NRAS: variants seen among roughly 807,000 people sequenced by gnomAD.
The protein encoded by NRAS is GTPase NRas.
A neutral mutation model predicts 21.3 loss-of-function variants in NRAS; 6 were observed. The ratio of observed to expected loss-of-function variants is 0.28; its 90% CI spans 0.15 to 0.56. The LOEUF is 0.56. Ranked by LOEUF, NRAS falls within the 20% of genes least tolerant of loss-of-function variation. The probability of loss-of-function intolerance (pLI) is 0.93; values close to 1 mark genes in which losing one functional copy is unlikely to be tolerated. For missense variants in NRAS, 143 were observed against 231.3 expected (o/e 0.62, Z 2.48); for synonymous variants, 84 against 82.0 (o/e 1.02, Z -0.13).
At position 114,716,190 on chromosome 1, in the gene NRAS, A is replaced by G; in HGVS notation, c.-17-13T>C. ...CACCAGCAAGAACCTGTTGGAAACC[A>G]GTAATCAGGGTTAATTGGCGAGCCA... On this transcript the variant is annotated splice_polypyrimidine_tract_variant and intron_variant, in intron 1 of 6. Coordinates refer to ENST00000369535, the MANE Select transcript of NRAS (RefSeq NM_002524.5). 2.7e-6 allele frequency: 4 copies of G among 1,465,780 alleles called. No individual in the cohort carries two copies. Among genetic ancestry groups the G allele is most frequent in the Non-Finnish European group, 3.8e-6 (4 of 1,044,468 alleles). The allele number at this position is 1,465,780 out of a possible 1,614,324, so 90.8% of individuals were successfully genotyped here.
intron 2 of NRAS, among the ~76,000 whole-genome samples, chr1:114,715,840 T>G (rs1166906111): frequency 6.6e-6 from 1 of 152,226 alleles, no homozygotes; most frequent in East Asian, 1.9e-4. Flanking sequence ...TTTACAGAAC[T>G]GTTAAAAACT....
At chr1:114,709,436 AAAAAAAT>A in intron 4 of NRAS, 126 bp downstream of exon 4, 3 of 793,406 alleles carry the variant, frequency 3.8e-6, no homozygotes, top group South Asian at 3.4e-5. Context: ...CTCTGCCTAA[AAAAAAAT>A]AAAAAATAAA....
intron 3 of NRAS, among the ~76,000 whole-genome samples, chr1:114,710,311 T>G (rs1659018507): frequency 7.1e-6 from 1 of 141,372 alleles, no homozygotes; most frequent in Non-Finnish European, 1.5e-5. Flanking sequence ...AATTTACACA[T>G]ATAAATATAT....
At position 114,713,381 on chromosome 1, in the gene NRAS, T is replaced by A. The variant is rs750173211; in HGVS notation, c.290+419A>T. Among the ~76,000 whole-genome samples, 4 of 152,188 alleles carry A rather than the reference T, an allele frequency of 2.6e-5. No individual in the cohort carries two copies. The South Asian group carries it at 8.3e-4, about 32-fold the overall frequency. On this transcript the variant is annotated intron_variant, in intron 3 of 6. Coordinates refer to ENST00000369535, the MANE Select transcript of NRAS (RefSeq NM_002524.5). The stretch of plus-strand genomic sequence containing the variant: ...TCTTGCTCTGTTGCCCAGGCTGGTC[T>A]CCAACTCCTGGGCTGAAAGTGATCC...
chr1:114,709,459 A>G, intron 4 of NRAS, 110 bp downstream of exon 4: 1 of 944,778 alleles, frequency 1.1e-6, no homozygotes, highest in Non-Finnish European at 1.6e-6. Flanking sequence ...ATAAAAAAAT[A>G]AAAATGAAAA....
rs971216342 is a variant in NRAS, at chr1:114,705,445, G to T, written c.*2649C>A. The T allele has an allele frequency of 6.6e-6, 1 of 152,176 alleles. No homozygotes were observed. Among genetic ancestry groups the T allele is most frequent in the Non-Finnish European group, 1.5e-5 (1 of 68,040 alleles). 9.4% of individuals were successfully genotyped at this position (152,176 alleles called of 1,614,324 possible). A position where few individuals can be genotyped will look rare whatever the true frequency, so the allele number is the denominator to read the frequency against. On this transcript the variant is annotated 3_prime_UTR_variant, in exon 7 of 7. Coordinates refer to ENST00000369535, the MANE Select transcript of NRAS (RefSeq NM_002524.5). ...CCTTTAAAAAAACCAAAAGGAATAT[G>T]TAATTTATGACAGCTGGCCAGGCAC...
chr1:114,711,367 GC>G (rs1263729176), intron 3 of NRAS, among the ~76,000 whole-genome samples: 2 of 152,030 alleles, frequency 1.3e-5, no homozygotes, highest in African/African-American at 4.8e-5. Flanking sequence ...GGAGGCCGAG[GC>G]GGGTGGATCA....
In NRAS at chr1:114,716,008, T is replaced by C. The variant is rs765143880; in HGVS notation, c.111+42A>G. On this transcript the variant is annotated intron_variant, in intron 2 of 6. Transcript: ENST00000369535. The stretch of plus-strand genomic sequence containing the variant: ...ATATGGGTAAAGATGATCCGACAAG[T>C]GAGAGACAGGATCAGGTCAGCGGGC... The C allele has an allele frequency of 2.6e-6, 3 of 1,166,896 alleles. No individual in the cohort carries two copies. The East Asian group carries it at 7.0e-5, about 27-fold the overall frequency. 72.3% of individuals were successfully genotyped at this position (1,166,896 alleles called of 1,614,324 possible).
rs1658943703 is a variant in NRAS at position 114,707,484 on chromosome 1, C to A, written c.*610G>T. The A allele has an allele frequency of 6.6e-6, 1 of 152,526 alleles. No homozygotes were observed. The highest frequency in any genetic ancestry group is 1.5e-5 in the Non-Finnish European group (1 of 68,018). The allele number at this position is 152,526 out of a possible 1,614,324, so 9.4% of individuals were successfully genotyped here. A position where few individuals can be genotyped will look rare whatever the true frequency, so the allele number is the denominator to read the frequency against. ...CTGTGAAAGTTGGATTTAATTACGT[C>A]AAAGTTGTGAAGACTAGGATAGACT... On this transcript the variant is annotated 3_prime_UTR_variant, in exon 7 of 7. Coordinates refer to ENST00000369535, the MANE Select transcript of NRAS (RefSeq NM_002524.5).
At chr1:114,714,784 C>T (rs1659117994) in intron 2 of NRAS, among the ~76,000 whole-genome samples, 1 of 151,968 alleles carries the variant, frequency 6.6e-6, no homozygotes, top group Non-Finnish European at 1.5e-5. Context: ...CTCAATAAAT[C>T]AAACATTTAA....
rs1658937361 is a variant in NRAS at position 114,707,204 on chromosome 1, T to C, written c.*890A>G. On this transcript the variant is annotated 3_prime_UTR_variant, in exon 7 of 7. Coordinates refer to ENST00000369535, the MANE Select transcript of NRAS (RefSeq NM_002524.5). Reference sequence around the variant, plus strand: ...AAAAGTGGAGATTAGGTAAAAATTATTAAGTGAAATTATTCATGTGCTTTC... The same window carrying C: ...AAAAGTGGAGATTAGGTAAAAATTACTAAGTGAAATTATTCATGTGCTTTC... The C allele has an allele frequency of 6.6e-6, 1 of 152,634 alleles. No homozygotes were observed. Among genetic ancestry groups the C allele is most frequent in the Admixed American group, 6.5e-5 (1 of 15,270 alleles). The allele number at this position is 152,634 out of a possible 1,614,324, so 9.5% of individuals were successfully genotyped here. A position where few individuals can be genotyped will look rare whatever the true frequency, so the allele number is the denominator to read the frequency against.
At chr1:114,714,040 C>T (rs1473625219) in intron 2 of NRAS, 62 bp from the exon 3 acceptor site, 1 of 965,256 alleles carries the variant, frequency 1.0e-6, no homozygotes, top group Non-Finnish European at 1.6e-6. Context: ...TTAAAAACCA[C>T]AGGGAATGCA....
intron 1 of NRAS, 109 bp from the exon 2 acceptor site, chr1:114,716,286 C>G: frequency 1.3e-6 from 1 of 762,212 alleles, no homozygotes; most frequent in Non-Finnish European, 2.4e-6. Context: ...CCATTTGGTT[C>G]TTAAAGTGAC....
rs753079400 is a variant in NRAS, at chr1:114,709,587, G to A, written c.432C>T (p.Thr144=). The stretch of plus-strand genomic sequence containing the variant: ...ACCATACCTGTCTGGTCTTGGCTGA[G>A]GTTTCAATGAATGGAATCCCGTAAC... ...AKSYGIPFIE[T]SAKTRQGVED... is the part of the protein sequence containing the mutation. The change falls in exon 4 of 7, where the codon ACC becomes ACT. Residue 144 remains threonine (T), a synonymous_variant. Transcript: ENST00000369535. The A allele has an allele frequency of 6.8e-6, 11 of 1,614,002 alleles. No individual in the cohort carries two copies. Among genetic ancestry groups the A allele is most frequent in the Middle Eastern group, 1.6e-4 (1 of 6,084 alleles).
rs148805761 is a variant in NRAS, at chr1:114,713,237, T to A, written c.290+563A>T. ...TGTTGATTAGGCTGGAGTGCAGCAG[T>A]GCAGTGGAGTGAGCATGCCTCGACC... On this transcript the variant is annotated intron_variant, in intron 3 of 6. Coordinates refer to ENST00000369535, the MANE Select transcript of NRAS (RefSeq NM_002524.5). Among the ~76,000 whole-genome samples the A allele has an allele frequency of 7.9e-5, 12 of 152,260 alleles. No homozygotes were observed. In the East Asian group the frequency reaches 1.7e-3, roughly 22 times the overall value.
rs121434595 is a variant in NRAS at position 114,716,124 on chromosome 1, C to G, written c.37G>C (p.Gly13Arg). The G allele has an allele frequency of 1.2e-6, 2 of 1,614,046 alleles. No homozygotes were observed. The highest frequency in any genetic ancestry group is 1.1e-5 in the South Asian group (1 of 91,082). Residue 13 changes from glycine to arginine, a missense_variant, in exon 2 of 7, where the codon GGT becomes CGT. Coordinates refer to ENST00000369535, the MANE Select transcript of NRAS (RefSeq NM_002524.5). ...EYKLVVVGAG[G>R]VGKSALTIQL... ...ATTGTCAGTGCGCTTTTCCCAACAC[C>G]ACCTGCTCCAACCACCACCAGTTTG... is the stretch of plus-strand genomic sequence containing the variant.
Position 114,709,651 on chromosome 1 carries a change from C to T in NRAS, c.368G>A (p.Arg123Lys), listed in dbSNP as rs727503347. The T allele has an allele frequency of 1.9e-6, 3 of 1,613,728 alleles. No individual in the cohort carries two copies. The highest frequency in any genetic ancestry group is 2.5e-6 in the Non-Finnish European group (3 of 1,179,650). The change falls in exon 4 of 7, where the codon AGG becomes AAG. Residue 123 changes from arginine to lysine, a missense_variant. Coordinates refer to ENST00000369535, the MANE Select transcript of NRAS (RefSeq NM_002524.5). Reference protein sequence around the residue: ...LVGNKCDLPTRTVDTKQAHEL... With the variant: ...LVGNKCDLPTKTVDTKQAHEL... ...GTGGGCTTGTTTTGTATCAACTGTC[C>T]TTGTTGGCAAATCACACTTGTTTCC... is the stretch of plus-strand genomic sequence containing the variant.
Position 114,707,996 on chromosome 1 carries a change from A to C in NRAS, c.*98T>G, listed in dbSNP as rs1397317481. 6.1e-6 allele frequency: 1 copy of C among 163,268 alleles called. No individual in the cohort carries two copies. Among genetic ancestry groups the C allele is most frequent in the Admixed American group, 5.9e-5 (1 of 16,998 alleles). The allele number at this position is 163,268 out of a possible 1,614,324, so 10.1% of individuals were successfully genotyped here. Reference sequence around the variant, plus strand: ...CAGGAGCTTCTCTGTGAGACTGAAGACAGCAACAGGAATACTTCTCCTCCA... The same window carrying C: ...CAGGAGCTTCTCTGTGAGACTGAAGCCAGCAACAGGAATACTTCTCCTCCA... On this transcript the variant is annotated 3_prime_UTR_variant, in exon 7 of 7. Coordinates refer to ENST00000369535, the MANE Select transcript of NRAS (RefSeq NM_002524.5).
At chr1:114,710,265 ATATT>A (rs1659015812) in intron 3 of NRAS, among the ~76,000 whole-genome samples, 4 of 90,806 alleles carry the variant, frequency 4.4e-5, no homozygotes, top group African/African-American at 8.0e-5. Flanking sequence ...ATATAAATAT[ATATT>A]TATATATAAT....
Sources: gnomAD v4.1 joint callset for allele counts (sites outside exome capture counted in the v4.1 genomes callset) on GRCh38, gnomAD v4.1.1 for gene constraint, MANE v1.5 for transcripts, NCBI Gene and HGNC (gene_info 2026-07-23, HGNC 2026-07-21) for gene names.